The following PRAG1 variants were observed in gnomAD, a reference collection of about 807,000 sequenced individuals.
PRAG1 encodes PEAK1 related, kinase-activating pseudokinase 1, also known as inactive tyrosine-protein kinase PRAG1.
Under a neutral mutation model 95.6 loss-of-function variants are expected in PRAG1, and 110 were observed. The ratio of observed to expected loss-of-function variants is 1.15; its 90% CI spans 0.99 to 1.35. The LOEUF (loss-of-function observed/expected upper bound fraction) is 1.35. Ranked by LOEUF, PRAG1 falls within the 40% of genes most tolerant of loss-of-function variation. The pLI is 0.00. For missense variants in PRAG1, 2,554 were observed against 1,864.7 expected, an observed-to-expected ratio of 1.37 and a Z score of -6.81; for synonymous variants, 1,052 against 819.4, an observed-to-expected ratio of 1.28 and a Z score of -4.85.
At chr8:8,343,308 C>A (rs989212182) in intron 3 of PRAG1, among the ~76,000 whole-genome samples, 22 of 152,112 alleles carry the variant, frequency 1.4e-4, no homozygotes, top group African/African-American at 4.3e-4. Context: ...ACACACAGGA[C>A]AACAATGTGA....
rs746648209 is a variant in PRAG1 at position 8,318,946 on chromosome 8, G to A, written c.3429C>T (p.His1143=). Residue 1143 remains histidine (H), a synonymous_variant, in exon 6 of 6, where the codon CAC becomes CAT. Transcript: ENST00000615670. This position sits in a 1 kb window ranked among gnomAD's most constrained non-coding sequence, Gnocchi z 4.2. ...GCAGGTTCTCCAGGCACAGGTCCCGGTGGATGATCCCGTGCTCCTTCAGGT... is the reference window on the plus strand; with the variant it reads ...GCAGGTTCTCCAGGCACAGGTCCCGATGGATGATCCCGTGCTCCTTCAGGT... ...LEHLKEHGII[H]RDLCLENLLL... is the part of the protein sequence containing the mutation. 12 of 1,612,630 alleles carry A rather than the reference G, an allele frequency of 7.4e-6. No individual in the cohort carries two copies. The highest frequency in any genetic ancestry group is 1.3e-5 in the African/African-American group (1 of 74,892).
chr8:8,376,771 G>A lies in PRAG1; in HGVS notation c.1638C>T (p.Pro546=), dbSNP rs1197611292. 6 of 1,610,584 alleles carry A rather than the reference G, an allele frequency of 3.7e-6. No individual in the cohort carries two copies. The highest frequency in any genetic ancestry group is 3.3e-5 in the Admixed American group (2 of 60,006). Reference sequence around the variant, plus strand: ...CTACAGGGCTACTCTTGGACAACTTGGGGGGAATGGCGGGCCTCTCCTTGG... The same window carrying A: ...CTACAGGGCTACTCTTGGACAACTTAGGGGGAATGGCGGGCCTCTCCTTGG... ...SKPKERPAIP[P]KLSKSSPVGS... The change falls in exon 3 of 6, where the codon CCC becomes CCT. Residue 546 remains proline (P), a synonymous_variant. Transcript: ENST00000615670.
At chr8:8,328,929 C>T (rs1798734860) in intron 4 of PRAG1, among the ~76,000 whole-genome samples, 1 of 152,228 alleles carries the variant, frequency 6.6e-6, no homozygotes, top group Non-Finnish European at 1.5e-5. Flanking sequence ...CATAATATAT[C>T]ACCATATGCA....
chr8:8,340,902 T>C (rs191329204), intron 3 of PRAG1, among the ~76,000 whole-genome samples: 34 of 152,340 alleles, frequency 2.2e-4, no homozygotes, highest in Admixed American at 1.8e-3. Context: ...TATCTCAGTA[T>C]CGCTGTGGGA....
At chr8:8,367,002 G>T (rs1800029446) in intron 3 of PRAG1, among the ~76,000 whole-genome samples, 1 of 151,984 alleles carries the variant, frequency 6.6e-6, no homozygotes, top group Admixed American at 6.6e-5. Flanking sequence ...ACAAATTTTA[G>T]ATTTTATGGC....
intron 3 of PRAG1, among the ~76,000 whole-genome samples, chr8:8,350,384 A>G (rs1799483027): frequency 6.6e-6 from 1 of 152,216 alleles, no homozygotes; most frequent in Admixed American, 6.5e-5. Flanking sequence ...ATCACCTAAG[A>G]ACAACGTGTT....
intron 3 of PRAG1, among the ~76,000 whole-genome samples, chr8:8,340,484 C>T (rs1450285004): frequency 6.6e-6 from 1 of 152,226 alleles, no homozygotes; most frequent in Non-Finnish European, 1.5e-5. Context: ...CAGCTCTTCC[C>T]CTGCTGGTGG....
chr8:8,347,776 A>AAATATTTAT (rs370071091), intron 3 of PRAG1, among the ~76,000 whole-genome samples: 5,080 of 151,316 alleles, frequency 0.034, 335 homozygotes, highest in African/African-American at 0.12. Context: ...CCTAGGAGAG[A>AAATATTTAT]AATATTTATC....
intron 3 of PRAG1, among the ~76,000 whole-genome samples, chr8:8,368,798 C>A (rs568759792): frequency 2.3e-4 from 35 of 150,864 alleles, no homozygotes; most frequent in Non-Finnish European, 4.4e-4. Flanking sequence ...CTCAGACAAG[C>A]AAAACCACAC....
chr8:8,364,674 T>G (rs1406797990), intron 3 of PRAG1, among the ~76,000 whole-genome samples: 2 of 152,166 alleles, frequency 1.3e-5, no homozygotes, highest in African/African-American at 4.8e-5. Flanking sequence ...GTTGTTTTTT[T>G]TTTTGTTTTC....
chr8:8,358,524 C>T (rs1799750858), intron 3 of PRAG1, among the ~76,000 whole-genome samples: 1 of 152,220 alleles, frequency 6.6e-6, no homozygotes, highest in African/African-American at 2.4e-5. Flanking sequence ...AACTCCCCTA[C>T]TGAAGTGACC....
At chr8:8,375,964 A>C (rs1371448120) in intron 3 of PRAG1, among the ~76,000 whole-genome samples, 2 of 152,190 alleles carry the variant, frequency 1.3e-5, no homozygotes, top group Admixed American at 1.3e-4. Flanking sequence ...CCAGATTATA[A>C]AAATACAGGC....
chr8:8,365,300 C>A (rs1306241065), intron 3 of PRAG1, among the ~76,000 whole-genome samples: 1 of 152,154 alleles, frequency 6.6e-6, no homozygotes, highest in Non-Finnish European at 1.5e-5. Context: ...CCTGCATCTG[C>A]CACCTCACTC....
intron 4 of PRAG1, among the ~76,000 whole-genome samples, chr8:8,338,256 G>A: frequency 6.6e-6 from 1 of 152,168 alleles, no homozygotes; most frequent in Non-Finnish European, 1.5e-5. Flanking sequence ...TAGGAACCCT[G>A]CGAGTGGACG....
At chr8:8,355,189 G>C (rs1459769532) in intron 3 of PRAG1, among the ~76,000 whole-genome samples, 1 of 151,764 alleles carries the variant, frequency 6.6e-6, no homozygotes, top group Non-Finnish European at 1.5e-5. Context: ...TAAAAAATTA[G>C]GAATAAATTT....
chr8:8,350,591 G>A (rs1231195480), intron 3 of PRAG1, among the ~76,000 whole-genome samples: 4 of 152,204 alleles, frequency 2.6e-5, no homozygotes, highest in African/African-American at 9.7e-5. Context: ...GAGCTACTGG[G>A]AAGAACAATG....
intron 1 of PRAG1, among the ~76,000 whole-genome samples, chr8:8,385,067 AC>A (rs1800805400): frequency 6.6e-6 from 1 of 152,184 alleles, no homozygotes; most frequent in Non-Finnish European, 1.5e-5. Context: ...GGCCCAAAAT[AC>A]CCCCTCAGAC....
At chr8:8,345,367 CA>C (rs202100503) in intron 3 of PRAG1, among the ~76,000 whole-genome samples, 201 of 79,032 alleles carry the variant, frequency 2.5e-3, no homozygotes, top group Admixed American at 5.3e-3. Flanking sequence ...CCTGTCTCTA[CA>C]AAAAAAAAAA....
At position 8,344,665 on chromosome 8, in the gene PRAG1, T is replaced by G. The variant is rs112105337; in HGVS notation, c.2163-5030A>C. Among the ~76,000 whole-genome samples the G allele has an allele frequency of 7.7e-3, 1,178 of 152,338 alleles. 14 individuals are homozygous for G. The highest frequency in any genetic ancestry group is 0.027 in the African/African-American group (1,117 of 41,566). On this transcript the variant is annotated intron_variant, in intron 3 of 5. Coordinates refer to ENST00000615670, the MANE Select transcript of PRAG1 (RefSeq NM_001080826.3). ...AAATTATTATCTGAACTTCACTGCA[T>G]GCTTGGAATATTTGATACACTAAAA...
Sources: allele counts gnomAD v4.1 joint callset (sites outside exome capture counted in the v4.1 genomes callset), GRCh38; gene constraint gnomAD v4.1.1; non-coding constraint Gnocchi (gnomAD v3.1); transcripts MANE v1.5; gene names NCBI Gene and HGNC (gene_info 2026-07-23, HGNC 2026-07-21).